SNTG1: variants seen among roughly 807,000 people sequenced by gnomAD.
The protein encoded by SNTG1 is gamma-1-syntrophin.
In SNTG1, 39 loss-of-function variants were observed where a neutral mutation model predicts 74.7. That is an observed-to-expected ratio of 0.52 (90% CI 0.40 to 0.68). The LOEUF (loss-of-function observed/expected upper bound fraction) is 0.68. Among genes scored for constraint, SNTG1 ranks in the 30% least tolerant of loss-of-function variants. The pLI, the probability that SNTG1 is intolerant of heterozygous loss-of-function variation, is 0.00. For missense variants in SNTG1, 685 were observed against 609.5 expected, an observed-to-expected ratio of 1.12 and a Z score of -1.30; for synonymous variants, 254 against 217.1, an observed-to-expected ratio of 1.17 and a Z score of -1.49.
At position 50,394,213 on chromosome 8, in the gene SNTG1, C is replaced by T. The variant is rs200545009; in HGVS notation, c.-26C>T. The T allele has an allele frequency of 1.2e-4, 187 of 1,612,278 alleles. No individual in the cohort carries two copies. Among genetic ancestry groups the T allele is most frequent in the Middle Eastern group, 1.6e-4 (1 of 6,082 alleles). ...CTTACCATTTCTGTGTCTTTTCAGACGACATCCTTTGTGGTGCCACAGCAC... is the reference window on the plus strand; with the variant it reads ...CTTACCATTTCTGTGTCTTTTCAGATGACATCCTTTGTGGTGCCACAGCAC... On this transcript the variant is annotated splice_region_variant and 5_prime_UTR_variant, in exon 3 of 19. It adds an upstream start codon to the 5' untranslated region. Coordinates refer to ENST00000642720, the MANE Select transcript of SNTG1 (RefSeq NM_018967.5).
rs1257018224 is a variant in SNTG1, at chr8:50,650,452, C to T, written c.850-6457C>T. Among the ~76,000 whole-genome samples, 3 of 152,016 alleles carry T rather than the reference C, an allele frequency of 2.0e-5. No individual in the cohort carries two copies. The South Asian group carries it at 6.2e-4, about 32-fold the overall frequency. On this transcript the variant is annotated intron_variant, in intron 13 of 18. Transcript: ENST00000642720. ...TCATTCATGTAAAGTTATGGCTGGT[C>T]CATAAATTAAGTTGGGACTGATCAC... is the stretch of plus-strand genomic sequence containing the variant.
At chr8:50,156,718 A>C (rs1198084681) in intron 1 of SNTG1, among the ~76,000 whole-genome samples, 3 of 152,084 alleles carry the variant, frequency 2.0e-5, no homozygotes, top group Non-Finnish European at 4.4e-5. Context: ...CTGATCAAGG[A>C]CCCAGGCATG....
chr8:50,066,742 G>T (rs1177684969), intron 1 of SNTG1, among the ~76,000 whole-genome samples: 2 of 152,158 alleles, frequency 1.3e-5, no homozygotes, highest in African/African-American at 4.8e-5. Context: ...GATTTAATGG[G>T]AATATTCTAA....
chr8:50,600,898 G>A (rs146183282), intron 13 of SNTG1, among the ~76,000 whole-genome samples: 128 of 151,220 alleles, frequency 8.5e-4, no homozygotes, highest in Admixed American at 1.3e-3. Context: ...AGCTGGGCAC[G>A]GTGGCTCACT....
At chr8:50,381,477 T>C (rs1033442801) in intron 2 of SNTG1, among the ~76,000 whole-genome samples, 3 of 150,516 alleles carry the variant, frequency 2.0e-5, no homozygotes, top group Non-Finnish European at 4.4e-5. Flanking sequence ...AAAAAAAATC[T>C]AAAGTTTACA....
rs370826024 is a variant in SNTG1, at chr8:50,546,546, C to T, written c.681-6504C>T. Among the ~76,000 whole-genome samples the T allele has an allele frequency of 7.0e-5, 10 of 143,506 alleles. No individual in the cohort carries two copies. The East Asian group carries it at 1.1e-3, about 15-fold the overall frequency. 94.1% of individuals were successfully genotyped at this position (143,506 alleles called of 152,430 possible). On this transcript the variant is annotated intron_variant, in intron 11 of 18. Coordinates refer to ENST00000642720, the MANE Select transcript of SNTG1 (RefSeq NM_018967.5). ...CTCCCTCCCCCCTCCCCCTACCCCACGACAGTCCCCAGTGTGTGATGTTCC... is the reference window on the plus strand; with the variant it reads ...CTCCCTCCCCCCTCCCCCTACCCCATGACAGTCCCCAGTGTGTGATGTTCC...
intron 2 of SNTG1, among the ~76,000 whole-genome samples, chr8:50,224,906 C>T (rs1337625210): frequency 6.6e-6 from 1 of 152,112 alleles, no homozygotes; most frequent in Admixed American, 6.6e-5. Context: ...AGAGAGAATC[C>T]CCTTCTCTTT....
intron 2 of SNTG1, among the ~76,000 whole-genome samples, chr8:50,387,495 A>AT (rs564246992): frequency 4.6e-5 from 7 of 150,778 alleles, no homozygotes; most frequent in Non-Finnish European, 8.9e-5. Flanking sequence ...ATTATAAGTC[A>AT]TTTTTTTTTG....
At position 50,443,075 on chromosome 8, in the gene SNTG1, A is replaced by G. The variant is rs1480547914; in HGVS notation, c.219+4476A>G. Among the ~76,000 whole-genome samples the G allele has an allele frequency of 2.6e-5, 4 of 152,218 alleles. 1 individual carries two copies. The highest frequency in any genetic ancestry group is 7.2e-5 in the African/African-American group (3 of 41,448). On this transcript the variant is annotated intron_variant, in intron 5 of 18. Coordinates refer to ENST00000642720, the MANE Select transcript of SNTG1 (RefSeq NM_018967.5). ...TAATAGTTTCCTCAACTACATCTGC[A>G]GAAATCACCAAATTTCTGCATCGTA...
chr8:50,727,862 A>G (rs1472439633), intron 17 of SNTG1, among the ~76,000 whole-genome samples: 1 of 152,198 alleles, frequency 6.6e-6, no homozygotes. Flanking sequence ...ATTGCATGCC[A>G]AATAAGTTCT....
intron 4 of SNTG1, among the ~76,000 whole-genome samples, chr8:50,421,655 A>G (rs1447848812): frequency 2.0e-5 from 3 of 152,000 alleles, no homozygotes; most frequent in Admixed American, 1.3e-4. Flanking sequence ...TTCAAGATTG[A>G]GTTGCTCTGT....
chr8:49,992,488 C>G (rs904171714), intron 1 of SNTG1, among the ~76,000 whole-genome samples: 27 of 152,236 alleles, frequency 1.8e-4, no homozygotes, highest in African/African-American at 6.3e-4. Flanking sequence ...AGCAAGTTAA[C>G]TTTTCTATTA....
chr8:50,292,450 T>A (rs2089163302), intron 2 of SNTG1, among the ~76,000 whole-genome samples: 1 of 152,026 alleles, frequency 6.6e-6, no homozygotes, highest in Non-Finnish European at 1.5e-5. Flanking sequence ...TACTGACATA[T>A]TCAGTTATTT....
chr8:50,742,620 C>T (rs916180564), intron 17 of SNTG1, among the ~76,000 whole-genome samples: 6 of 151,188 alleles, frequency 4.0e-5, no homozygotes, highest in Non-Finnish European at 7.4e-5. Flanking sequence ...GACATTACAT[C>T]TTAAAGAAGT....
At chr8:50,163,296 C>T (rs1371444601) in intron 1 of SNTG1, among the ~76,000 whole-genome samples, 1 of 152,164 alleles carries the variant, frequency 6.6e-6, no homozygotes, top group Non-Finnish European at 1.5e-5. Context: ...GTCTTCTCAA[C>T]CATAACCTAT....
intron 2 of SNTG1, among the ~76,000 whole-genome samples, chr8:50,259,750 A>T (rs2087087754): frequency 6.6e-6 from 1 of 152,044 alleles, no homozygotes; most frequent in Non-Finnish European, 1.5e-5. Flanking sequence ...AAAATCAAAA[A>T]CTCTTAGATC....
intron 2 of SNTG1, among the ~76,000 whole-genome samples, chr8:50,180,824 A>T (rs544681408): frequency 7.0e-6 from 1 of 142,316 alleles, no homozygotes; most frequent in East Asian, 2.1e-4. Context: ...GCAATGGCAC[A>T]AGCTCGGCTC....
chr8:50,659,862 T>C (rs893567304), intron 15 of SNTG1, among the ~76,000 whole-genome samples: 1 of 152,180 alleles, frequency 6.6e-6, no homozygotes, highest in African/African-American at 2.4e-5. Flanking sequence ...TTTTTGGAGA[T>C]GGAGTCTTGC....
At chr8:49,964,649 T>C (rs534900167) in intron 1 of SNTG1, among the ~76,000 whole-genome samples, 2 of 152,202 alleles carry the variant, frequency 1.3e-5, no homozygotes, top group African/African-American at 2.4e-5. Flanking sequence ...CTGGAACAGG[T>C]GCGTTCTACT....
Sources: gnomAD v4.1 joint callset for allele counts (sites outside exome capture counted in the v4.1 genomes callset) on GRCh38, gnomAD v4.1.1 for gene constraint, MANE v1.5 for transcripts, NCBI Gene and HGNC (gene_info 2026-07-23, HGNC 2026-07-21) for gene names.